The following CYP3A4 variants were observed in gnomAD, a reference collection of about 807,000 sequenced individuals.
CYP3A4 encodes the protein cytochrome P450 3A4.
A neutral mutation model predicts 54.9 loss-of-function variants in CYP3A4; 41 were observed. The observed-to-expected ratio is 0.75, with a 90% CI of 0.58 to 0.97. The LOEUF (loss-of-function observed/expected upper bound fraction) is 0.97. CYP3A4 is among the 50% of genes least tolerant of loss of function. The probability of loss-of-function intolerance (pLI) is 0.00; values close to 1 mark genes in which losing one functional copy is unlikely to be tolerated. For missense variants in CYP3A4, 510 were observed against 597.3 expected, an observed-to-expected ratio of 0.85 and a Z score of 1.52; for synonymous variants, 179 against 205.2, an observed-to-expected ratio of 0.87 and a Z score of 1.09.
rs1456376993 is a variant in CYP3A4 at position 99,769,629 on chromosome 7, G to A, written c.521+139C>T. 1.1e-5 allele frequency: 8 copies of A among 750,644 alleles called. No homozygotes were observed. In the East Asian group the frequency reaches 2.1e-4, roughly 20 times the overall value. 46.5% of individuals were successfully genotyped at this position (750,644 alleles called of 1,614,324 possible). On this transcript the variant is annotated intron_variant, in intron 6 of 12. Transcript: ENST00000651514. ...TCATCGGAGCTGCCCCATCTTGGGA[G>A]ACCCATTGAAGTTGCATTACCACAG...
chr7:99,782,508 T>C (rs539260453), intron 1 of CYP3A4, among the ~76,000 whole-genome samples: 1 of 152,314 alleles, frequency 6.6e-6, no homozygotes, highest in East Asian at 1.9e-4. Context: ...TGCCTGAGTC[T>C]GTAGTGACCA....
At position 99,769,891 on chromosome 7, in the gene CYP3A4, T is replaced by A. The variant is rs201027089; in HGVS notation, c.433-35A>T. The A allele has an allele frequency of 3.7e-6, 6 of 1,613,666 alleles. No individual in the cohort carries two copies. In the East Asian group the frequency reaches 1.3e-4, roughly 36 times the overall value. On this transcript the variant is annotated intron_variant, in intron 5 of 12. Transcript: ENST00000651514. ...AAACACAACACCACCCATAGTTAAA[T>A]GTGCAGACTCTAGTCCCAGAAGGAC...
At chr7:99,783,423 C>A (rs1002702510) in intron 1 of CYP3A4, among the ~76,000 whole-genome samples, 6 of 152,102 alleles carry the variant, frequency 3.9e-5, no homozygotes, top group Non-Finnish European at 7.4e-5. Context: ...CCTTCCTTAT[C>A]CTCCTTGGGT....
chr7:99,766,414 A>T lies in CYP3A4; in HGVS notation c.828T>A (p.Ile276=). ...KHRVDFLQLM[I]DSQNSKETES... is the part of the protein sequence containing the mutation. ...CAGTTTCTTTTGAATTCTGAGAGTC[A>T]ATCATCAGCTGAAGGAAATCCACTC... Residue 276 remains isoleucine (I), a synonymous_variant, in exon 9 of 13, where the codon ATT becomes ATA. Transcript: ENST00000651514. 1 of 1,613,742 alleles carries T rather than the reference A, an allele frequency of 6.2e-7. No homozygotes were observed. Among genetic ancestry groups the T allele is most frequent in the Non-Finnish European group, 8.5e-7 (1 of 1,179,724 alleles).
At position 99,769,871 on chromosome 7, in the gene CYP3A4, C is replaced by T. The variant is rs1211637706; in HGVS notation, c.433-15G>A. On this transcript the variant is annotated splice_polypyrimidine_tract_variant and intron_variant, in intron 5 of 12. Transcript: ENST00000651514. ...ATAGGGACCATCTAAGCACAAAACA[C>T]AACACCACCCATAGTTAAATGTGCA... 12 of 1,613,762 alleles carry T rather than the reference C, an allele frequency of 7.4e-6. No homozygotes were observed. Among genetic ancestry groups the T allele is most frequent in the Non-Finnish European group, 1.0e-5 (12 of 1,179,838 alleles).
intron 6 of CYP3A4, chr7:99,769,445 A>G (rs908687653): frequency 5.6e-6 from 2 of 359,490 alleles, no homozygotes; most frequent in Non-Finnish European, 5.3e-6. Flanking sequence ...CCACCATCCC[A>G]TACACTCCAT....
chr7:99,784,106 T>C lies in CYP3A4; in HGVS notation c.-25A>G, dbSNP rs1309536498. ...TCACTACTTTCCTTACTTATCTCTC[T>C]CCTCTGAGTCTTCCTTTCAGCTCTG... On this transcript the variant is annotated 5_prime_UTR_variant, in exon 1 of 13. Coordinates refer to ENST00000651514, the MANE Select transcript of CYP3A4 (RefSeq NM_017460.6). 6.2e-7 allele frequency: 1 copy of C among 1,601,102 alleles called. No individual in the cohort carries two copies. The highest frequency in any genetic ancestry group is 1.1e-5 in the South Asian group (1 of 90,812).
chr7:99,766,879 T>C (rs1815488693), intron 8 of CYP3A4: 1 of 391,274 alleles, frequency 2.6e-6, no homozygotes, highest in South Asian at 3.7e-5. Flanking sequence ...CAATAAAATT[T>C]ATGCCGTGGC....
At chr7:99,776,154 A>G (rs527485648) in intron 3 of CYP3A4, among the ~76,000 whole-genome samples, 1 of 152,286 alleles carries the variant, frequency 6.6e-6, no homozygotes, top group South Asian at 2.1e-4. Context: ...ATACCATCTC[A>G]TGCCAGGTAG....
chr7:99,783,970 G>A, intron 1 of CYP3A4, 41 bp downstream of exon 1: 2 of 1,596,174 alleles, frequency 1.3e-6, no homozygotes, highest in Non-Finnish European at 1.7e-6. Context: ...AGCACCCCAA[G>A]TCCAAGGAAA....
intron 4 of CYP3A4, among the ~76,000 whole-genome samples, chr7:99,770,707 T>A (rs1326250310): frequency 1.3e-5 from 2 of 151,884 alleles, no homozygotes; most frequent in African/African-American, 2.4e-5. Flanking sequence ...GTGATGGTTT[T>A]AAAAAAAATA....
chr7:99,768,561 T>A lies in CYP3A4; in HGVS notation c.522-59A>T, dbSNP rs565756662. ...GCACCTTTTTACCATCCTTCCTCTATGCATGCAACAGGAAACCCACATGTC... is the reference window on the plus strand; with the variant it reads ...GCACCTTTTTACCATCCTTCCTCTAAGCATGCAACAGGAAACCCACATGTC... On this transcript the variant is annotated intron_variant, in intron 6 of 12. Transcript: ENST00000651514. 667 of 1,611,556 alleles carry A rather than the reference T, an allele frequency of 4.1e-4. 10 individuals are homozygous for A. In the South Asian group the frequency reaches 6.7e-3, roughly 16 times the overall value.
chr7:99,782,405 T>A (rs1815950692), intron 1 of CYP3A4, among the ~76,000 whole-genome samples: 1 of 152,158 alleles, frequency 6.6e-6, no homozygotes, highest in Non-Finnish European at 1.5e-5. Context: ...TGCACTTAAT[T>A]GTGTTGGCCT....
At chr7:99,771,544 G>A (rs1246615710) in intron 4 of CYP3A4, among the ~76,000 whole-genome samples, 5 of 152,112 alleles carry the variant, frequency 3.3e-5, no homozygotes, top group Admixed American at 6.6e-5. Context: ...CCATAAACTG[G>A]TCTATATATT....
At chr7:99,782,236 G>A (rs2151568075) in intron 1 of CYP3A4, among the ~76,000 whole-genome samples, 1 of 152,352 alleles carries the variant, frequency 6.6e-6, no homozygotes, top group African/African-American at 2.4e-5. Flanking sequence ...TGGTCCCCAA[G>A]GAATGATCTA....
At chr7:99,781,217 T>C (rs1277202528) in intron 1 of CYP3A4, among the ~76,000 whole-genome samples, 1 of 152,188 alleles carries the variant, frequency 6.6e-6, no homozygotes, top group East Asian at 1.9e-4. Flanking sequence ...TCTGCCATGA[T>C]TGTAAATTTC....
chr7:99,781,079 G>A (rs759098257), intron 1 of CYP3A4, among the ~76,000 whole-genome samples: 1 of 152,100 alleles, frequency 6.6e-6, no homozygotes, highest in African/African-American at 2.4e-5. Context: ...ACACCATCCC[G>A]CCTTAGGTGT....
intron 1 of CYP3A4, among the ~76,000 whole-genome samples, chr7:99,782,259 G>C (rs2151568086): frequency 6.6e-6 from 1 of 152,222 alleles, no homozygotes; most frequent in African/African-American, 2.4e-5. Context: ...TGAATGTCTA[G>C]ACTCACATGG....
intron 6 of CYP3A4, among the ~76,000 whole-genome samples, chr7:99,769,037 G>T (rs899919041): frequency 9.9e-5 from 15 of 152,074 alleles, no homozygotes; most frequent in African/African-American, 3.6e-4. Context: ...ACTATCCCCA[G>T]CTGTGGTGAG....
Sources: allele counts gnomAD v4.1 joint callset (sites outside exome capture counted in the v4.1 genomes callset), GRCh38; gene constraint gnomAD v4.1.1; transcripts MANE v1.5; gene names NCBI Gene and HGNC (gene_info 2026-07-23, HGNC 2026-07-21).